Variants in SGCD observed in about 807,000 individuals in gnomAD.
SGCD encodes delta-sarcoglycan.
A neutral mutation model predicts 36.6 loss-of-function variants in SGCD; 18 were observed. The observed-to-expected ratio is 0.49, with a 90% CI of 0.34 to 0.73. SGCD has a LOEUF of 0.73. SGCD is among the 30% of genes least tolerant of loss of function. SGCD has a pLI of 0.01. For missense variants in SGCD, 387 were observed against 346.7 expected (o/e 1.12, Z -0.92); for synonymous variants, 133 against 130.6 (o/e 1.02, Z -0.12).
intron 1 of SGCD, among the ~76,000 whole-genome samples, chr5:156,092,106 G>A (rs1182572356): frequency 6.6e-6 from 1 of 152,186 alleles, no homozygotes; most frequent in Non-Finnish European, 1.5e-5. Context: ...ACATTCATTT[G>A]TCCAGGACAG....
chr5:156,141,363 G>C (rs1168004770), intron 3 of SGCD, among the ~76,000 whole-genome samples: 3 of 152,160 alleles, frequency 2.0e-5, no homozygotes, highest in Non-Finnish European at 2.9e-5. Flanking sequence ...AACTATGGAG[G>C]CACCAAAGTG....
At chr5:156,389,208 A>G (rs914618262) in intron 3 of SGCD, among the ~76,000 whole-genome samples, 3 of 152,216 alleles carry the variant, frequency 2.0e-5, no homozygotes, top group Admixed American at 1.3e-4. Context: ...CAGAACCTTA[A>G]CAATTGTATA....
intron 3 of SGCD, among the ~76,000 whole-genome samples, chr5:156,506,312 A>C (rs551701977): frequency 6.6e-6 from 1 of 152,110 alleles, no homozygotes; most frequent in Non-Finnish European, 1.5e-5. Flanking sequence ...ATTTGAGTTA[A>C]AGTTTCATGT....
chr5:156,217,665 T>G (rs1035837985), intron 3 of SGCD, among the ~76,000 whole-genome samples: 1 of 152,174 alleles, frequency 6.6e-6, no homozygotes, highest in South Asian at 2.1e-4. Flanking sequence ...TTTTGAACTC[T>G]ACAACAATTT....
chr5:155,909,637 G>A (rs1756590790), intron 1 of SGCD, among the ~76,000 whole-genome samples: 1 of 152,114 alleles, frequency 6.6e-6, no homozygotes, highest in African/African-American at 2.4e-5. Flanking sequence ...TTGCTTCCAA[G>A]GGCATGGAAA....
rs56304932 is a variant in SGCD at position 156,558,125 on chromosome 5, T to TATATATATATATATATATATATA, written c.295-31104_295-31103insATATATATATATATATATATAAT. Among the ~76,000 whole-genome samples, 96 of 107,732 alleles carry TATATATATATATATATATATATA rather than the reference T, an allele frequency of 8.9e-4. 5 individuals are homozygous for TATATATATATATATATATATATA. Among genetic ancestry groups the TATATATATATATATATATATATA allele is most frequent in the Non-Finnish European group, 1.3e-3 (69 of 53,466 alleles). 70.7% of individuals were successfully genotyped at this position (107,732 alleles called of 152,430 possible). ...TATATATATATATATATATATATATTATTTAACTCTCTTTTAAAGGCAGTT... is the reference window on the plus strand; with the variant it reads ...TATATATATATATATATATATATATTATATATATATATATATATATATAATTTAACTCTCTTTTAAAGGCAGTT... On this transcript the variant is annotated intron_variant, in intron 4 of 8. Coordinates refer to ENST00000337851, the MANE Select transcript of SGCD (RefSeq NM_000337.6).
At chr5:156,272,417 A>G (rs1213203419) in intron 3 of SGCD, among the ~76,000 whole-genome samples, 9 of 152,146 alleles carry the variant, frequency 5.9e-5, no homozygotes, top group African/African-American at 2.2e-4. Flanking sequence ...TTATCCACCC[A>G]TTGGTTGATG....
At chr5:155,925,582 C>T (rs1050056565) in intron 1 of SGCD, among the ~76,000 whole-genome samples, 3 of 152,048 alleles carry the variant, frequency 2.0e-5, no homozygotes, top group Non-Finnish European at 4.4e-5. Flanking sequence ...CTTCATATGG[C>T]ATTTTGTTTG....
intron 3 of SGCD, among the ~76,000 whole-genome samples, chr5:156,462,801 C>T (rs1359870104): frequency 6.6e-6 from 1 of 151,758 alleles, no homozygotes; most frequent in East Asian, 1.9e-4. Context: ...GCAGTTTTGG[C>T]CATTACTTTC....
At chr5:156,175,703 A>G (rs1763449559) in intron 3 of SGCD, among the ~76,000 whole-genome samples, 2 of 152,250 alleles carry the variant, frequency 1.3e-5, no homozygotes, top group African/African-American at 2.4e-5. Context: ...AAATGGAAAT[A>G]TACTCCAAAT....
At chr5:156,389,425 G>A (rs1448693167) in intron 3 of SGCD, among the ~76,000 whole-genome samples, 1 of 152,092 alleles carries the variant, frequency 6.6e-6, no homozygotes, top group Non-Finnish European at 1.5e-5. Flanking sequence ...TGAAGAACTG[G>A]GACTATCTCC....
At chr5:156,193,805 A>C (rs942075739) in intron 3 of SGCD, among the ~76,000 whole-genome samples, 9 of 152,146 alleles carry the variant, frequency 5.9e-5, no homozygotes, top group African/African-American at 2.2e-4. Context: ...AGCCTTATGC[A>C]TGTGCGTAGA....
chr5:155,921,166 T>C (rs1264758568), intron 1 of SGCD, among the ~76,000 whole-genome samples: 1 of 152,066 alleles, frequency 6.6e-6, no homozygotes, highest in Non-Finnish European at 1.5e-5. Flanking sequence ...ATTAACAGTG[T>C]CCAGTGTTGC....
intron 1 of SGCD, among the ~76,000 whole-genome samples, chr5:155,916,691 A>C (rs1173430596): frequency 6.6e-6 from 1 of 152,262 alleles, no homozygotes; most frequent in Non-Finnish European, 1.5e-5. Context: ...GAAGTGTATC[A>C]GATTGTCCTA....
chr5:156,482,839 A>G (rs1218521801), intron 3 of SGCD, among the ~76,000 whole-genome samples: 1 of 25,258 alleles, frequency 4.0e-5, no homozygotes, highest in Non-Finnish European at 7.4e-5. Context: ...TTTTTTTTTT[A>G]AGTAAGCTGA....
intron 1 of SGCD, among the ~76,000 whole-genome samples, chr5:155,899,863 T>A (rs530464272): frequency 6.6e-6 from 1 of 152,326 alleles, no homozygotes; most frequent in East Asian, 1.9e-4. Flanking sequence ...TTGCAGACAG[T>A]TCGCATGGAA....
intron 7 of SGCD, chr5:156,738,469 C>G (rs1177176833): frequency 1.3e-5 from 2 of 152,196 alleles, no homozygotes; most frequent in African/African-American, 2.4e-5. Context: ...CAGTTTTGAC[C>G]TCTGGCAAAA....
intron 1 of SGCD, among the ~76,000 whole-genome samples, chr5:156,090,897 A>G (rs898354908): frequency 6.6e-6 from 1 of 152,182 alleles, no homozygotes; most frequent in Non-Finnish European, 1.5e-5. Flanking sequence ...CAGAAGAAAA[A>G]TATGGCTGTA....
At chr5:155,822,254 C>T in the SGCD span, among the ~76,000 whole-genome samples, 5 of 152,220 alleles carry the variant, frequency 3.3e-5, no homozygotes, top group South Asian at 2.1e-4. Flanking sequence ...GGCACCTTTT[C>T]GTGAGTTTTA....
Sources: allele counts gnomAD v4.1 joint callset (sites outside exome capture counted in the v4.1 genomes callset), GRCh38; gene constraint gnomAD v4.1.1; transcripts MANE v1.5; gene names NCBI Gene and HGNC (gene_info 2026-07-23, HGNC 2026-07-21).